Variants in DMD observed in about 807,000 individuals in gnomAD.
DMD encodes the protein mutant dystrophin.
DMD carries 63 observed loss-of-function variants against 330.1 expected under a neutral mutation model. The ratio of observed to expected loss-of-function variants is 0.19; its 90% CI spans 0.16 to 0.24. DMD has a LOEUF of 0.24. DMD is among the 10% of genes least tolerant of loss of function. The probability of loss-of-function intolerance (pLI) is 1.00; values close to 1 mark genes in which losing one functional copy is unlikely to be tolerated. For missense variants in DMD, 3,344 were observed against 2,684.1 expected (o/e 1.25, Z -5.43); for synonymous variants, 1,223 against 959.8 (o/e 1.27, Z -5.07).
chrX:31,757,536 C>G (rs2089216824), intron 51 of DMD, among the ~76,000 whole-genome samples: 1 of 111,233 alleles, frequency 9.0e-6, no homozygotes, highest in African/African-American at 3.3e-5. Context: ...GCTGGGAATT[C>G]CAAGATCAAG....
chrX:32,751,171 CA>C (rs1268920971), intron 7 of DMD, among the ~76,000 whole-genome samples: 1 of 111,638 alleles, frequency 9.0e-6, no homozygotes, highest in African/African-American at 3.3e-5. Flanking sequence ...AATGTGGAAG[CA>C]ACTTTGGAAC....
chrX:31,397,964 GAAC>G (rs2061019801), intron 60 of DMD, among the ~76,000 whole-genome samples: 1 of 112,462 alleles, frequency 8.9e-6, no homozygotes, highest in African/African-American at 3.2e-5. Flanking sequence ...ACATAAAAAA[GAAC>G]AATTGACCTT....
chrX:31,520,429 A>G (rs1192346554), intron 55 of DMD, among the ~76,000 whole-genome samples: 4 of 111,404 alleles, frequency 3.6e-5, no homozygotes, highest in African/African-American at 1.3e-4. Flanking sequence ...CACCATGATT[A>G]TAAGTTTCCT....
intron 16 of DMD, among the ~76,000 whole-genome samples, chrX:32,561,865 G>A (rs1297288706): frequency 8.9e-6 from 1 of 111,965 alleles, no homozygotes; most frequent in African/African-American, 3.2e-5. Context: ...CTATAAGCCA[G>A]TAGAGATTGG....
At position 32,969,429 on chromosome X, in the gene DMD, TAA is replaced by T. The variant is rs1268050641; in HGVS notation, c.93+50708_93+50709del. On this transcript the variant is annotated intron_variant, in intron 2 of 78. Transcript: ENST00000357033. ...AACATGTATGTACCACATACATAGA[TAA>T]AATATGCTACCACATACATAGATAA... Among the ~76,000 whole-genome samples the T allele has an allele frequency of 2.3e-4, 21 of 93,089 alleles. 2 individuals carry two copies. Among genetic ancestry groups the T allele is most frequent in the Admixed American group, 2.1e-3 (20 of 9,385 alleles). The allele number at this position is 93,089 out of a possible 115,157, so 80.8% of individuals were successfully genotyped here.
intron 41 of DMD, among the ~76,000 whole-genome samples, chrX:32,312,555 T>A (rs939804685): frequency 8.4e-4 from 93 of 110,881 alleles, no homozygotes; most frequent in Non-Finnish European, 1.5e-3. Context: ...TTAAATGAAA[T>A]TTCAAACCCA....
At chrX:32,536,156 T>A (rs2047939235) in intron 17 of DMD, among the ~76,000 whole-genome samples, 1 of 106,395 alleles carries the variant, frequency 9.4e-6, no homozygotes, top group Non-Finnish European at 1.9e-5. Flanking sequence ...TGCCAGCTAC[T>A]TGGGAGGCTG....
intron 44 of DMD, among the ~76,000 whole-genome samples, chrX:31,990,037 C>A (rs1326038395): frequency 8.9e-6 from 1 of 111,771 alleles, no homozygotes; most frequent in Non-Finnish European, 1.9e-5. Context: ...ATAGAAAAAA[C>A]TGTACAAAGG....
chrX:32,227,519 C>A (rs963418205), intron 43 of DMD, among the ~76,000 whole-genome samples: 4 of 106,361 alleles, frequency 3.8e-5, no homozygotes, highest in Non-Finnish European at 7.7e-5. Context: ...TGTACACATG[C>A]GCACAGAGTG....
chrX:32,136,105 TATTTA>T (rs774163534), intron 44 of DMD, among the ~76,000 whole-genome samples: 1 of 112,923 alleles, frequency 8.9e-6, no homozygotes, highest in African/African-American at 3.2e-5. Flanking sequence ...AATGTTCTGC[TATTTA>T]ATTTGTCATA....
chrX:32,729,589 C>T (rs2067289807), intron 7 of DMD, among the ~76,000 whole-genome samples: 1 of 111,684 alleles, frequency 9.0e-6, no homozygotes, highest in South Asian at 3.7e-4. Context: ...AACATTTCCA[C>T]ATTTCATATA....
intron 44 of DMD, among the ~76,000 whole-genome samples, chrX:32,197,371 C>T (rs1319139370): frequency 9.0e-6 from 1 of 111,415 alleles, no homozygotes; most frequent in African/African-American, 3.3e-5. Flanking sequence ...TCATTATTAA[C>T]CATAATCATC....
intron 44 of DMD, among the ~76,000 whole-genome samples, chrX:32,104,651 TTTTA>T (rs1200747667): frequency 1.8e-5 from 2 of 112,060 alleles, no homozygotes; most frequent in African/African-American, 6.5e-5. Flanking sequence ...ACAATATATG[TTTTA>T]TTTTATTTTA....
At chrX:32,299,672 T>C (rs2097513836) in intron 42 of DMD, among the ~76,000 whole-genome samples, 1 of 111,209 alleles carries the variant, frequency 9.0e-6, no homozygotes, top group South Asian at 3.8e-4. Context: ...TGATCTCACC[T>C]GAGCAAGTCA....
chrX:31,960,809 G>A (rs2095295698), intron 45 of DMD, among the ~76,000 whole-genome samples: 1 of 112,103 alleles, frequency 8.9e-6, no homozygotes, highest in Non-Finnish European at 1.9e-5. Flanking sequence ...ATAGTCTTTT[G>A]ATGAAGAATT....
chrX:31,927,562 C>G (rs192734601), intron 47 of DMD, among the ~76,000 whole-genome samples: 10 of 111,422 alleles, frequency 9.0e-5, no homozygotes, highest in East Asian at 5.6e-4. Context: ...ATTGCTGGGA[C>G]ACCACCTTCC....
intron 1 of DMD, among the ~76,000 whole-genome samples, chrX:33,037,860 A>G (rs1379442492): frequency 5.3e-5 from 6 of 112,399 alleles, no homozygotes; most frequent in South Asian, 3.7e-4. Flanking sequence ...TGTTTGTTTT[A>G]TAGAAGTTAC....
intron 9 of DMD, among the ~76,000 whole-genome samples, chrX:32,651,924 T>C (rs1227405617): frequency 8.9e-6 from 1 of 112,057 alleles, no homozygotes; most frequent in Admixed American, 9.4e-5. Context: ...CTGCGCCTTC[T>C]GTTAATCCCT....
intron 13 of DMD, among the ~76,000 whole-genome samples, chrX:32,576,621 A>G (rs1227861304): frequency 1.2e-5 from 1 of 82,940 alleles, no homozygotes; most frequent in Non-Finnish European, 2.8e-5. Context: ...ACAGCATGCA[A>G]TTTAAAATTT....
Sources: allele counts gnomAD v4.1 joint callset (sites outside exome capture counted in the v4.1 genomes callset), GRCh38; gene constraint gnomAD v4.1.1; transcripts MANE v1.5; gene names NCBI Gene and HGNC (gene_info 2026-07-23, HGNC 2026-07-21).